Variants in XYLT1 observed in about 807,000 individuals in gnomAD.
XYLT1 encodes the protein xylosyltransferase 1, also known as beta-D-xylosyltransferase 1.
XYLT1 carries 36 observed loss-of-function variants against 91.3 expected under a neutral mutation model. That is an observed-to-expected ratio of 0.39 (90% CI 0.30 to 0.52). The LOEUF (loss-of-function observed/expected upper bound fraction) is 0.52. XYLT1 is among the 20% of genes least tolerant of loss of function. XYLT1 has a pLI of 0.68. For missense variants in XYLT1, 1,242 were observed against 1,284.5 expected, an observed-to-expected ratio of 0.97 and a Z score of 0.51; for synonymous variants, 588 against 532.0, an observed-to-expected ratio of 1.11 and a Z score of -1.45.
At chr16:17,379,412 G>A (rs776642261) in intron 1 of XYLT1, among the ~76,000 whole-genome samples, 1 of 152,246 alleles carries the variant, frequency 6.6e-6, no homozygotes, top group Non-Finnish European at 1.5e-5. Context: ...GAAAACCTCT[G>A]TGAGGCCAGC....
chr16:17,461,330 T>G (rs989470098), intron 1 of XYLT1, among the ~76,000 whole-genome samples: 4 of 152,192 alleles, frequency 2.6e-5, no homozygotes, highest in Non-Finnish European at 5.9e-5. Context: ...GGAAAGGGTA[T>G]AGGCAATGAA....
At chr16:17,448,229 G>A (rs1366011602) in intron 1 of XYLT1, among the ~76,000 whole-genome samples, 1 of 152,146 alleles carries the variant, frequency 6.6e-6, no homozygotes, top group African/African-American at 2.4e-5. Flanking sequence ...TTAGCCAGGC[G>A]TGATGGCACA....
intron 1 of XYLT1, among the ~76,000 whole-genome samples, chr16:17,391,007 C>T (rs769019796): frequency 1.5e-4 from 23 of 152,162 alleles, no homozygotes; most frequent in Non-Finnish European, 3.1e-4. Flanking sequence ...CATTGCACTC[C>T]AGCATGGGCG....
chr16:17,108,453 C>T lies in XYLT1; in HGVS notation c.*242G>A. 2.4e-6 allele frequency: 1 copy of T among 423,696 alleles called. No homozygotes were observed. Among genetic ancestry groups the T allele is most frequent in the Admixed American group, 4.2e-5 (1 of 23,584 alleles). 26.2% of individuals were successfully genotyped at this position (423,696 alleles called of 1,614,324 possible). A position where few individuals can be genotyped will look rare whatever the true frequency, so the allele number is the denominator to read the frequency against. ...GGAACCTGTAGGACTTGAGGATCAA[C>T]CAGAAGAGGTGAGACAGTCACAGTG... On this transcript the variant is annotated 3_prime_UTR_variant, in exon 12 of 12. Coordinates refer to ENST00000261381, the MANE Select transcript of XYLT1 (RefSeq NM_022166.4).
In XYLT1 at chr16:17,253,859, A is replaced by AGAGAGAGAGAGAGAGC. The variant is rs1555491314; in HGVS notation, c.913+5128_913+5129insGCTCTCTCTCTCTCTC. On this transcript the variant is annotated intron_variant, in intron 3 of 11. Coordinates refer to ENST00000261381, the MANE Select transcript of XYLT1 (RefSeq NM_022166.4). ...GAGAGAGAGAGAGAGAGAGAGAGAGAGAGCGAGCCTGCAGGTGGAAGAACA... is the reference window on the plus strand; with the variant it reads ...GAGAGAGAGAGAGAGAGAGAGAGAGAGAGAGAGAGAGAGAGCGAGCGAGCCTGCAGGTGGAAGAACA... Among the ~76,000 whole-genome samples the AGAGAGAGAGAGAGAGC allele has an allele frequency of 6.6e-4, 97 of 146,232 alleles. 2 individuals carry two copies. The highest frequency in any genetic ancestry group is 2.0e-3 in the African/African-American group (79 of 39,048).
chr16:17,124,122 A>G (rs942830859), intron 10 of XYLT1, among the ~76,000 whole-genome samples: 3 of 152,220 alleles, frequency 2.0e-5, no homozygotes, highest in Non-Finnish European at 2.9e-5. Context: ...GGCCATTTAC[A>G]TTCAACATTA....
chr16:17,435,821 T>C (rs2036451153), intron 1 of XYLT1, among the ~76,000 whole-genome samples: 1 of 152,190 alleles, frequency 6.6e-6, no homozygotes, highest in African/African-American at 2.4e-5. Flanking sequence ...GTAGATGTTG[T>C]GCAGTTACTG....
At chr16:17,148,938 T>C (rs1240814073) in intron 6 of XYLT1, among the ~76,000 whole-genome samples, 2 of 152,274 alleles carry the variant, frequency 1.3e-5, no homozygotes, top group African/African-American at 4.8e-5. Context: ...ATGAAATCAT[T>C]TGCATTCAGT....
intron 5 of XYLT1, among the ~76,000 whole-genome samples, chr16:17,188,222 C>T (rs945560381): frequency 3.3e-5 from 5 of 152,058 alleles, no homozygotes; most frequent in African/African-American, 1.2e-4. Context: ...CCTCCCCACT[C>T]CCATTTGGGC....
intron 1 of XYLT1, among the ~76,000 whole-genome samples, chr16:17,370,976 G>A (rs751618060): frequency 6.6e-6 from 1 of 152,154 alleles, no homozygotes; most frequent in Non-Finnish European, 1.5e-5. Flanking sequence ...TGTGGGCATT[G>A]GTGTTTGTAA....
intron 5 of XYLT1, among the ~76,000 whole-genome samples, chr16:17,188,913 C>T (rs1403113430): frequency 6.6e-6 from 1 of 152,172 alleles, no homozygotes; most frequent in Admixed American, 6.5e-5. Flanking sequence ...CGATTTGGAC[C>T]CAGGTGGACT....
intron 3 of XYLT1, among the ~76,000 whole-genome samples, chr16:17,234,425 T>G (rs1003853531): frequency 1.3e-5 from 2 of 152,184 alleles, no homozygotes; most frequent in Non-Finnish European, 2.9e-5. Flanking sequence ...CTTGAGATAC[T>G]AAGTTCTGCA....
chr16:17,151,066 C>G (rs1425549220), intron 6 of XYLT1, among the ~76,000 whole-genome samples: 1 of 152,126 alleles, frequency 6.6e-6, no homozygotes, highest in Non-Finnish European at 1.5e-5. Context: ...GTCCACGTGG[C>G]TTGGATATGG....
intron 2 of XYLT1, among the ~76,000 whole-genome samples, chr16:17,321,020 A>G (rs2034710595): frequency 6.6e-6 from 1 of 151,998 alleles, no homozygotes; most frequent in African/African-American, 2.4e-5. Context: ...TTCCCTGAGT[A>G]CCTTTTTTTC....
At chr16:17,365,537 C>T (rs190388110) in intron 1 of XYLT1, among the ~76,000 whole-genome samples, 1 of 152,290 alleles carries the variant, frequency 6.6e-6, no homozygotes, top group East Asian at 1.9e-4. Context: ...ACAGAAACCC[C>T]ACAGAGAGAA....
chr16:17,309,990 A>G lies in XYLT1; in HGVS notation c.402+48022T>C, dbSNP rs138119866. ...GCCGTGTGTGCTCAAAGGCAGCTCAATTTGGAGGCTGGGAGTGGGAACACA... is the reference window on the plus strand; with the variant it reads ...GCCGTGTGTGCTCAAAGGCAGCTCAGTTTGGAGGCTGGGAGTGGGAACACA... On this transcript the variant is annotated intron_variant, in intron 2 of 11. Coordinates refer to ENST00000261381, the MANE Select transcript of XYLT1 (RefSeq NM_022166.4). Among the ~76,000 whole-genome samples, 153 of 152,294 alleles carry G rather than the reference A, an allele frequency of 1.0e-3. 3 individuals carry two copies. In the East Asian group the frequency reaches 0.024, roughly 24 times the overall value.
At chr16:17,372,178 A>C (rs115925867) in intron 1 of XYLT1, among the ~76,000 whole-genome samples, 7,312 of 152,262 alleles carry the variant, frequency 0.048, 589 homozygotes, top group African/African-American at 0.17. Context: ...ATTTAGTTAT[A>C]ATTATTCACG....
intron 6 of XYLT1, among the ~76,000 whole-genome samples, chr16:17,155,623 G>T (rs1445977619): frequency 3.9e-5 from 6 of 152,190 alleles, no homozygotes; most frequent in African/African-American, 1.4e-4. Context: ...CTAACAAAGA[G>T]GGAAGTGGCC....
intron 3 of XYLT1, among the ~76,000 whole-genome samples, chr16:17,219,422 G>T (rs1285562672): frequency 6.6e-6 from 1 of 152,012 alleles, no homozygotes; most frequent in Non-Finnish European, 1.5e-5. Flanking sequence ...TGAAATGAAT[G>T]AACGCTACAT....
Sources: allele counts gnomAD v4.1 joint callset (sites outside exome capture counted in the v4.1 genomes callset), GRCh38; gene constraint gnomAD v4.1.1; transcripts MANE v1.5; gene names NCBI Gene and HGNC (gene_info 2026-07-23, HGNC 2026-07-21).